The following ITK variants were observed in gnomAD, a reference collection of about 807,000 sequenced individuals.
ITK encodes the protein tyrosine-protein kinase ITK/TSK.
Under a neutral mutation model 87.6 loss-of-function variants are expected in ITK, and 45 were observed. That is an observed-to-expected ratio of 0.51 (90% CI 0.40 to 0.66). The LOEUF is 0.66. Among genes scored for constraint, ITK ranks in the 30% least tolerant of loss-of-function variants. ITK has a pLI of 0.00. For synonymous variants in ITK, 303 were observed against 273.6 expected (o/e 1.11, Z -1.06); for missense variants, 605 against 766.3 (o/e 0.79, Z 2.48).
At chr5:157,211,200 G>T (rs1306388908) in intron 2 of ITK, 87 bp from the exon 3 acceptor site, 2 of 1,074,336 alleles carry the variant, frequency 1.9e-6, no homozygotes, top group Non-Finnish European at 2.9e-6. Context: ...AAACACCCGA[G>T]ACCCCACTCT....
intron 1 of ITK, among the ~76,000 whole-genome samples, chr5:157,185,907 T>A (rs1187906396): frequency 1.3e-5 from 2 of 152,106 alleles, no homozygotes; most frequent in Non-Finnish European, 2.9e-5. Flanking sequence ...AAGATGGAGG[T>A]CACCTTTATT....
chr5:157,192,763 G>A (rs1279349173), intron 1 of ITK, among the ~76,000 whole-genome samples: 1 of 152,120 alleles, frequency 6.6e-6, no homozygotes, highest in Non-Finnish European at 1.5e-5. Flanking sequence ...TTACTTTCAG[G>A]GATCAACAAG....
At chr5:157,225,665 G>A (rs1049307953) in intron 6 of ITK, among the ~76,000 whole-genome samples, 1 of 152,136 alleles carries the variant, frequency 6.6e-6, no homozygotes, top group African/African-American at 2.4e-5. Flanking sequence ...TGGTTTGCTA[G>A]CTAAGAACAG....
Position 157,180,899 on chromosome 5 carries a change from A to G in ITK, c.-79A>G. Reference sequence around the variant, plus strand: ...TGAAGATCAACTGCCTCCACATTGCATTCTTTGCCCCAAAACTCTTTCCTT... The same window carrying G: ...TGAAGATCAACTGCCTCCACATTGCGTTCTTTGCCCCAAAACTCTTTCCTT... On this transcript the variant is annotated 5_prime_UTR_variant, in exon 1 of 17. Coordinates refer to ENST00000422843, the MANE Select transcript of ITK (RefSeq NM_005546.4). 6.9e-7 allele frequency: 1 copy of G among 1,450,686 alleles called. No homozygotes were observed. Among genetic ancestry groups the G allele is most frequent in the Non-Finnish European group, 9.7e-7 (1 of 1,034,922 alleles). The allele number at this position is 1,450,686 out of a possible 1,614,324, so 89.9% of individuals were successfully genotyped here.
chr5:157,215,606 A>G (rs1487651277), intron 4 of ITK, among the ~76,000 whole-genome samples: 1 of 152,218 alleles, frequency 6.6e-6, no homozygotes, highest in African/African-American at 2.4e-5. Flanking sequence ...GATCCACCAT[A>G]ATAACAGAAC....
At chr5:157,252,249 T>C (rs75320134) in intron 16 of ITK, among the ~76,000 whole-genome samples, 10,387 of 152,326 alleles carry the variant, frequency 0.068, 472 homozygotes, top group Middle Eastern at 0.12. Flanking sequence ...TGGTGTTCTT[T>C]AGCATTAATT....
chr5:157,183,105 A>C (rs1753570460), intron 1 of ITK, among the ~76,000 whole-genome samples: 1 of 152,060 alleles, frequency 6.6e-6, no homozygotes, highest in Non-Finnish European at 1.5e-5. Flanking sequence ...TATAAATAAC[A>C]TTTTAAAAGT....
chr5:157,231,410 G>A (rs1003432077), intron 7 of ITK, among the ~76,000 whole-genome samples: 1 of 152,138 alleles, frequency 6.6e-6, no homozygotes, highest in Non-Finnish European at 1.5e-5. Flanking sequence ...GTGAGATGAA[G>A]CCTATATTTT....
At chr5:157,199,602 G>C (rs529792877) in intron 1 of ITK, 1 of 152,338 alleles carries the variant, frequency 6.6e-6, no homozygotes, top group African/African-American at 2.4e-5. Flanking sequence ...CAAGTGCTAA[G>C]CCAGGAAGCA....
At position 157,253,473 on chromosome 5, in the gene ITK, C is replaced by G; in HGVS notation, c.*795C>G. The stretch of plus-strand genomic sequence containing the variant: ...TGTGGTGCAAGAAGAGATCTTAGGT[C>G]TCTTCTTTTATACCAAGCTCATCTT... On this transcript the variant is annotated 3_prime_UTR_variant, in exon 17 of 17. Coordinates refer to ENST00000422843, the MANE Select transcript of ITK (RefSeq NM_005546.4). 1 of 225,194 alleles carries G rather than the reference C, an allele frequency of 4.4e-6. No individual in the cohort carries two copies. Among genetic ancestry groups the G allele is most frequent in the Non-Finnish European group, 8.8e-6 (1 of 113,016 alleles). 13.9% of individuals were successfully genotyped at this position (225,194 alleles called of 1,614,324 possible). A position where few individuals can be genotyped will look rare whatever the true frequency, so the allele number is the denominator to read the frequency against.
chr5:157,252,448 C>T (rs1179646852), intron 16 of ITK, among the ~76,000 whole-genome samples, 159 bp from the exon 17 acceptor site: 1 of 152,160 alleles, frequency 6.6e-6, no homozygotes, highest in Non-Finnish European at 1.5e-5. Flanking sequence ...TCCAGAATAC[C>T]TGCTGTTAAC....
intron 1 of ITK, among the ~76,000 whole-genome samples, chr5:157,182,450 G>A (rs1753553685): frequency 6.6e-6 from 1 of 152,198 alleles, no homozygotes; most frequent in South Asian, 2.1e-4. Flanking sequence ...CAAAAAAGTT[G>A]CAGGCGAAAT....
intron 5 of ITK, among the ~76,000 whole-genome samples, chr5:157,218,441 A>G (rs1288717503): frequency 1.3e-5 from 2 of 149,352 alleles, no homozygotes; most frequent in African/African-American, 4.9e-5. Context: ...CAGGAGGTCG[A>G]GACTGCAGTG....
chr5:157,190,272 T>C (rs2421525), intron 1 of ITK, among the ~76,000 whole-genome samples: 31,580 of 152,188 alleles, frequency 0.21, 3,726 homozygotes, highest in South Asian at 0.35. Flanking sequence ...TATAGGGATT[T>C]TTCCCCCCAA....
intron 1 of ITK, among the ~76,000 whole-genome samples, chr5:157,183,083 CT>C (rs1393958064): frequency 6.6e-6 from 1 of 151,730 alleles, no homozygotes; most frequent in Non-Finnish European, 1.5e-5. Context: ...TTTCTAATGC[CT>C]TTTTTACTCT....
chr5:157,228,401 G>A, intron 7 of ITK, 40 bp downstream of exon 7: 1 of 1,159,226 alleles, frequency 8.6e-7, no homozygotes, highest in Non-Finnish European at 1.3e-6. Flanking sequence ...ACAGTCCTAA[G>A]GAATCCTCCT....
intron 15 of ITK, 78 bp downstream of exon 15, chr5:157,246,077 C>G: frequency 2.1e-6 from 2 of 974,630 alleles, no homozygotes; most frequent in Non-Finnish European, 3.3e-6. Context: ...TGCAGACAAC[C>G]CTACCCACAC....
intron 5 of ITK, among the ~76,000 whole-genome samples, chr5:157,219,257 C>T (rs527583164): frequency 9.9e-5 from 15 of 151,896 alleles, no homozygotes; most frequent in African/African-American, 2.7e-4. Context: ...GGATTACAGG[C>T]GCTCACCATC....
chr5:157,226,494 T>C (rs1196011974), intron 6 of ITK, among the ~76,000 whole-genome samples: 1 of 152,230 alleles, frequency 6.6e-6, no homozygotes, highest in Non-Finnish European at 1.5e-5. Flanking sequence ...ATAAGCTGAC[T>C]TTCTTCCGTT....
Sources: allele counts gnomAD v4.1 joint callset (sites outside exome capture counted in the v4.1 genomes callset), GRCh38; gene constraint gnomAD v4.1.1; transcripts MANE v1.5; gene names NCBI Gene and HGNC (gene_info 2026-07-23, HGNC 2026-07-21).